The following GSE1 variants were observed in gnomAD, a reference collection of about 807,000 sequenced individuals.
GSE1 encodes Gse1 coiled-coil protein, also known as genetic suppressor element 1.
In GSE1, 32 loss-of-function variants were observed where a neutral mutation model predicts 112.6. The observed-to-expected ratio is 0.28, with a 90% CI of 0.21 to 0.38. The LOEUF (loss-of-function observed/expected upper bound fraction) is 0.38, where lower values mean the gene tolerates loss of function less well. Ranked by LOEUF, GSE1 falls within the 10% of genes least tolerant of loss-of-function variation. GSE1 has a pLI of 1.00. For missense variants in GSE1, 2,348 were observed against 1,699.2 expected (o/e 1.38, Z -6.71); for synonymous variants, 1,115 against 735.6 (o/e 1.52, Z -8.35).
rs549185275 is a variant in GSE1 at position 85,269,470 on chromosome 16, GTGTT to G, written c.2284-87992_2284-87989del. Among the ~76,000 whole-genome samples the G allele has an allele frequency of 3.5e-4, 52 of 148,964 alleles. 4 individuals carry two copies. The highest frequency in any genetic ancestry group is 7.1e-4 in the Non-Finnish European group (47 of 66,120). On this transcript the variant is annotated intron_variant, in intron 1 of 2. Coordinates refer to the GSE1 transcript ENST00000637419. ...TGAGTGTGTGTGTGTGTGTGTGTGA[GTGTT>G]CTCACCCTTGTGTTCTACGGAGGTA...
chr16:85,419,312 G>T lies in GSE1; in HGVS notation c.2464+61669G>T, dbSNP rs571690739. Among the ~76,000 whole-genome samples, 439 of 152,270 alleles carry T rather than the reference G, an allele frequency of 2.9e-3. 1 individual carries two copies. The highest frequency in any genetic ancestry group is 4.9e-3 in the Non-Finnish European group (331 of 68,010). On this transcript the variant is annotated intron_variant, in intron 2 of 2. Coordinates refer to the GSE1 transcript ENST00000637419. This position sits in a 1 kb window ranked among gnomAD's most constrained non-coding sequence, Gnocchi z 6.5. ...GGCAACATTTAGAGTCGGGGTCAGG[G>T]TTTGAGAATATACCAGATGGCCGGG...
At chr16:85,430,538 A>AAGGCC (rs2049094734) in intron 2 of GSE1, among the ~76,000 whole-genome samples, 1 of 152,190 alleles carries the variant, frequency 6.6e-6, no homozygotes, top group South Asian at 2.1e-4. Flanking sequence ...CTGCACCTCG[A>AAGGCC]AGGCCAGGCC....
chr16:85,250,122 G>C (rs189072913), intron 1 of GSE1, among the ~76,000 whole-genome samples: 1 of 152,224 alleles, frequency 6.6e-6, no homozygotes, highest in Non-Finnish European at 1.5e-5. Flanking sequence ...TTCTCTCCTA[G>C]TTTCGTCCAC....
chr16:85,655,906 C>T lies in GSE1; in HGVS notation c.978C>T (p.Leu326=). The change falls in exon 6 of 16, where the codon CTC becomes CTT. Residue 326 remains leucine (L), a synonymous_variant. Transcript: ENST00000253458. ...AALHSERMSG[L]SAERLQMDEE... ...TGCACTCGGAGCGCATGTCTGGCCT[C>T]AGCGCGGAGAGGTAAGTGCGTCTCG... The T allele has an allele frequency of 1.2e-6, 2 of 1,603,130 alleles. No individual in the cohort carries two copies. The highest frequency in any genetic ancestry group is 1.7e-6 in the Non-Finnish European group (2 of 1,179,426).
chr16:85,483,247 C>T (rs2050736753), intron 2 of GSE1, among the ~76,000 whole-genome samples: 1 of 152,218 alleles, frequency 6.6e-6, no homozygotes, highest in Non-Finnish European at 1.5e-5. Context: ...CTCTCTGTCC[C>T]GAGCTTTCAG....
intron 1 of GSE1, among the ~76,000 whole-genome samples, chr16:85,562,885 G>T (rs187872892): frequency 1.9e-4 from 29 of 152,242 alleles, no homozygotes; most frequent in African/African-American, 6.8e-4. Flanking sequence ...AGACTAGGGT[G>T]GTAGAGGCAG....
chr16:85,325,847 C>G (rs554900709), intron 1 of GSE1, among the ~76,000 whole-genome samples: 2 of 152,048 alleles, frequency 1.3e-5, no homozygotes, highest in South Asian at 4.2e-4. Flanking sequence ...ACCTCCGCCT[C>G]CAGGGTTCAA....
intron 2 of GSE1, among the ~76,000 whole-genome samples, chr16:85,404,959 C>T (rs866484252): frequency 0.01 from 132 of 13,176 alleles, no homozygotes; most frequent in Middle Eastern, 0.033. Flanking sequence ...CTCTCAGGCC[C>T]CCCGGATAAT....
At chr16:85,562,100 G>A (rs1302486331) in intron 1 of GSE1, among the ~76,000 whole-genome samples, 1 of 152,256 alleles carries the variant, frequency 6.6e-6, no homozygotes, top group East Asian at 1.9e-4. Context: ...TAGGCCTAAT[G>A]GGATCTGACT....
rs570125211 is a variant in GSE1, at chr16:85,284,660, A to G, written c.2284-72803A>G. ...TGGATATTAAACGCCCGCTGCTGGG[A>G]GAGTCGTGGTCCACAGTAGGATGTG... On this transcript the variant is annotated intron_variant, in intron 1 of 2. Transcript: ENST00000637419. Among the ~76,000 whole-genome samples, 193 of 152,284 alleles carry G rather than the reference A, an allele frequency of 1.3e-3. 1 individual carries two copies. Among genetic ancestry groups the G allele is most frequent in the African/African-American group, 4.5e-3 (186 of 41,554 alleles).
chr16:85,585,849 A>G (rs1337923251), intron 1 of GSE1, among the ~76,000 whole-genome samples: 1 of 152,180 alleles, frequency 6.6e-6, no homozygotes, highest in East Asian at 1.9e-4. Context: ...GACCTGTGTG[A>G]GGAGTGTGGA....
chr16:85,609,230 G>GC (rs1447616592), upstream of GSE1, among the ~76,000 whole-genome samples: 1 of 152,044 alleles, frequency 6.6e-6, no homozygotes, highest in African/African-American at 2.4e-5. Flanking sequence ...GTCCCTTGCC[G>GC]CCCCCACCTT....
At chr16:85,324,720 G>A (rs113928822) in intron 1 of GSE1, among the ~76,000 whole-genome samples, 1 of 152,060 alleles carries the variant, frequency 6.6e-6, no homozygotes, top group Non-Finnish European at 1.5e-5. Flanking sequence ...GTGGGTCTGC[G>A]CCATCCGTGA....
Position 85,633,941 on chromosome 16 carries a change from C to T in GSE1, c.35C>T (p.Ser12Leu), listed in dbSNP as rs768773627. 58 of 1,612,144 alleles carry T rather than the reference C, an allele frequency of 3.6e-5. No homozygotes were observed. Among genetic ancestry groups the T allele is most frequent in the East Asian group, 1.1e-4 (5 of 44,842 alleles). Residue 12 changes from serine to leucine, a missense_variant, in exon 2 of 16, where the codon TCG becomes TTG. Ser to Leu is a moderately radical substitution (Grantham distance 145, BLOSUM62 -2). Coordinates refer to ENST00000253458, the MANE Select transcript of GSE1 (RefSeq NM_014615.5). Reference sequence around the variant, plus strand: ...ATGAGCCATGAGCCCAAGTCCCCTTCGCTAGGGATGCTTTCCACCGCGACC... The same window carrying T: ...ATGAGCCATGAGCCCAAGTCCCCTTTGCTAGGGATGCTTTCCACCGCGACC... ...KGMSHEPKSP[S>L]LGMLSTATRT...
intron 2 of GSE1, among the ~76,000 whole-genome samples, chr16:85,509,526 G>T (rs552270876): frequency 6.6e-6 from 1 of 152,252 alleles, no homozygotes; most frequent in African/African-American, 2.4e-5. Context: ...TCCGAGCTCC[G>T]TTTGGCCAGC....
intron 1 of GSE1, among the ~76,000 whole-genome samples, chr16:85,209,401 G>T (rs1348137061): frequency 6.6e-6 from 1 of 152,092 alleles, no homozygotes. Flanking sequence ...CCCCGCCCCT[G>T]CTCTGATCAT....
At position 85,656,649 on chromosome 16, in the gene GSE1, G is replaced by T. The variant is rs2051982085; in HGVS notation, c.1296G>T (p.Leu432=). The change falls in exon 7 of 16, where the codon CTG becomes CTT. Residue 432 remains leucine (L), a synonymous_variant. Coordinates refer to ENST00000253458, the MANE Select transcript of GSE1 (RefSeq NM_014615.5). The part of the protein sequence containing the change: ...TEERGKPSEQ[L]TPTRAEKLKD... The stretch of plus-strand genomic sequence containing the variant: ...AGCGGGGCAAGCCCTCGGAGCAGCT[G>T]ACCCCAACCCGAGCAGGTACCTGGG... 6.6e-7 allele frequency: 1 copy of T among 1,524,978 alleles called. No homozygotes were observed. The highest frequency in any genetic ancestry group is 8.8e-7 in the Non-Finnish European group (1 of 1,134,468). 94.5% of individuals were successfully genotyped at this position (1,524,978 alleles called of 1,614,324 possible). A position where few individuals can be genotyped will look rare whatever the true frequency, so the allele number is the denominator to read the frequency against.
Position 85,310,487 on chromosome 16 carries a change from C to T in GSE1, c.2284-46976C>T, listed in dbSNP as rs554280656. Among the ~76,000 whole-genome samples, 58 of 151,500 alleles carry T rather than the reference C, an allele frequency of 3.8e-4. 2 individuals carry two copies. The South Asian group carries it at 0.011, about 28-fold the overall frequency. ...TTCCTCCCTCCCTCCCCTCCCCTGC[C>T]GTGCTCTTCTTCTCTGCCCCTCCCC... On this transcript the variant is annotated intron_variant, in intron 1 of 2. Transcript: ENST00000637419.
chr16:85,339,603 C>G (rs954733889), intron 1 of GSE1, among the ~76,000 whole-genome samples: 1 of 102,068 alleles, frequency 9.8e-6, no homozygotes, highest in South Asian at 3.7e-4. Context: ...GATTTCTTTC[C>G]GTGGATGTGC....
Sources: allele counts gnomAD v4.1 joint callset (sites outside exome capture counted in the v4.1 genomes callset), GRCh38; gene constraint gnomAD v4.1.1; non-coding constraint Gnocchi (gnomAD v3.1); transcripts MANE v1.5; gene names NCBI Gene and HGNC (gene_info 2026-07-23, HGNC 2026-07-21).